HELZ2: variants seen among roughly 807,000 people sequenced by gnomAD.
The protein encoded by HELZ2 is helicase with zinc finger 2.
A neutral mutation model predicts 208.8 loss-of-function variants in HELZ2; 143 were observed. The observed-to-expected ratio is 0.68, with a 90% confidence interval of 0.60 to 0.79. The LOEUF is 0.79. Ranked by LOEUF, HELZ2 falls within the 30% of genes least tolerant of loss-of-function variation. HELZ2 has a pLI of 0.00. For missense variants in HELZ2, 3,690 were observed against 3,794.5 expected, an observed-to-expected ratio of 0.97 and a Z score of 0.72; for synonymous variants, 1,705 against 1,693.7, an observed-to-expected ratio of 1.01 and a Z score of -0.16.
exon 8 of HELZ2, chr20:63,565,783 C>T (rs776474611): frequency 3.1e-6 from 5 of 1,600,018 alleles, no homozygotes; most frequent in African/African-American, 1.3e-5. Context: ...CTGTGGTTGC[C>T]GTGATGTCAC....
At chr20:63,560,679 A>G in exon 16 of HELZ2, 1 of 1,608,960 alleles carries the variant, frequency 6.2e-7, no homozygotes, top group Non-Finnish European at 8.5e-7. Context: ...ACAGAGGGGA[A>G]GGCACAGATG....
chr20:63,559,902 C>A, intron 18 of HELZ2, 26 bp downstream of exon 19: 1 of 1,603,530 alleles, frequency 6.2e-7, no homozygotes, highest in Non-Finnish European at 8.5e-7. Flanking sequence ...TGTTCCCACC[C>A]TGGAAGAGCC....
intron 1 of HELZ2, 94 bp from the exon 3 acceptor site, chr20:63,570,962 T>C (rs544205806): frequency 3.0e-5 from 30 of 984,838 alleles, no homozygotes. Context: ...CTGGCCTCTG[T>C]AGGGAGCAGG....
exon 3 of HELZ2, chr20:63,570,522 C>T (rs374481572): frequency 6.2e-6 from 10 of 1,613,248 alleles, no homozygotes; most frequent in Middle Eastern, 1.6e-4. Context: ...GGACGGCAAA[C>T]GTCCAGCTGT....
chr20:63,563,954 G>A, exon 8 of HELZ2: 2 of 1,596,250 alleles, frequency 1.3e-6, no homozygotes, highest in Non-Finnish European at 1.7e-6. Context: ...GTCGTCCGTG[G>A]TGACCAAGTC....
upstream of HELZ2, chr20:63,572,490 G>A (rs2083025323): frequency 1.4e-5 from 18 of 1,243,838 alleles, no homozygotes; most frequent in South Asian, 9.5e-5. Context: ...GCCCGGGGCC[G>A]CGGCCTCACC....
exon 18 of HELZ2, chr20:63,559,970 T>C (rs1479294676): frequency 6.2e-7 from 1 of 1,611,874 alleles, no homozygotes; most frequent in Non-Finnish European, 8.5e-7. Flanking sequence ...ACAGCCACAT[T>C]CACTTGGTTG....
At chr20:63,569,597 G>T in exon 4 of HELZ2, 1 of 1,566,762 alleles carries the variant, frequency 6.4e-7, no homozygotes, top group Non-Finnish European at 8.6e-7. Flanking sequence ...CTGGCGGGAG[G>T]CCGGGAGCCA....
At chr20:63,559,215 G>A in exon 19 of HELZ2, 1 of 1,502,014 alleles carries the variant, frequency 6.7e-7, no homozygotes. Context: ...TTCCCTCCCA[G>A]TCCTGGCACC....
At chr20:63,565,386 G>T (rs1358653224) in exon 8 of HELZ2, 1 of 1,609,742 alleles carries the variant, frequency 6.2e-7, no homozygotes. Context: ...TCGTCCAGCG[G>T]GATGGCTGAC....
chr20:63,566,144 G>T, exon 8 of HELZ2: 1 of 1,565,712 alleles, frequency 6.4e-7, no homozygotes, highest in South Asian at 1.2e-5. Flanking sequence ...GCGGGCGTCG[G>T]TGAAGAACTC....
At chr20:63,561,745 C>A in exon 12 of HELZ2, 1 of 1,592,866 alleles carries the variant, frequency 6.3e-7, no homozygotes, top group South Asian at 1.1e-5. Flanking sequence ...CAGGAGCAGT[C>A]CTGAGGGTAG....
chr20:63,558,828 C>CTTGT (rs2082843866), downstream of HELZ2: 1 of 154,974 alleles, frequency 6.5e-6, no homozygotes, highest in South Asian at 2.0e-4. Context: ...TGAGCCACCA[C>CTTGT]GCCCGGCAGG....
chr20:63,564,555 C>G (rs748872348), exon 8 of HELZ2: 1 of 1,569,048 alleles, frequency 6.4e-7, no homozygotes, highest in Non-Finnish European at 8.6e-7. Context: ...GCCAGGCGGT[C>G]CCGGCCAGGC....
At chr20:63,570,029 A>G in intron 3 of HELZ2, 3 of 430,054 alleles carry the variant, frequency 7.0e-6, no homozygotes, top group South Asian at 6.4e-5. Context: ...ACTCACTACA[A>G]CCTCCGCCTC....
At position 63,559,327 on chromosome 20, in the gene HELZ2, G is replaced by A. The variant is rs141769251; in HGVS notation, c.7869C>T (p.Leu2623=). 5.0e-6 allele frequency: 8 copies of A among 1,603,196 alleles called. No homozygotes were observed. In the African/African-American group the frequency reaches 8.0e-5, roughly 16 times the overall value. The change falls in exon 19 of 19, where the codon CTC becomes CTT. Residue 2623 remains leucine, a synonymous_variant. Transcript: ENST00000467148. ...TCTGCTGAGCCTCGCAGAAGTCCAGGAGGCTACGCCAGAGGGGGCAGCAGC... is the reference window on the plus strand; with the variant it reads ...TCTGCTGAGCCTCGCAGAAGTCCAGAAGGCTACGCCAGAGGGGGCAGCAGC...
exon 12 of HELZ2, chr20:63,561,710 G>C: frequency 6.2e-7 from 1 of 1,611,164 alleles, no homozygotes; most frequent in Admixed American, 1.7e-5. Flanking sequence ...CTGTACACAC[G>C]GAGGGGCTTC....
exon 5 of HELZ2, chr20:63,568,944 T>C (rs1294901468): frequency 6.2e-7 from 1 of 1,606,796 alleles, no homozygotes; most frequent in East Asian, 2.2e-5. Flanking sequence ...AAGAGCATGT[T>C]CAGCGCTGGC....
At chr20:63,569,238 G>T in exon 4 of HELZ2, 1 of 1,566,886 alleles carries the variant, frequency 6.4e-7, no homozygotes, top group South Asian at 1.2e-5. Flanking sequence ...GGGGCCCGAG[G>T]CCACGCTGCT....
Sources: gnomAD v4.1 joint callset for allele counts on GRCh38, gnomAD v4.1.1 for gene constraint, MANE v1.5 for transcripts, NCBI Gene and HGNC (gene_info 2026-07-23, HGNC 2026-07-21) for gene names.